The following CDH12 variants were observed in gnomAD, a reference collection of about 807,000 sequenced individuals.
CDH12 encodes the protein cadherin 12.
In CDH12, 41 loss-of-function variants were observed where a neutral mutation model predicts 74.1. The ratio of observed to expected loss-of-function variants is 0.55; its 90% CI spans 0.43 to 0.72. The LOEUF (loss-of-function observed/expected upper bound fraction) is 0.72, where lower values mean the gene tolerates loss of function less well. Ranked by LOEUF, CDH12 falls within the 30% of genes least tolerant of loss-of-function variation. CDH12 has a pLI of 0.00. For missense variants in CDH12, 945 were observed against 977.2 expected (o/e 0.97, Z 0.44); for synonymous variants, 399 against 355.0 (o/e 1.12, Z -1.39).
intron 4 of CDH12, among the ~76,000 whole-genome samples, chr5:22,098,655 G>T (rs137934153): frequency 1.3e-3 from 191 of 152,008 alleles, no homozygotes; most frequent in African/African-American, 4.1e-3. Flanking sequence ...TCGTTGAGTC[G>T]CCCACAATTA....
intron 2 of CDH12, among the ~76,000 whole-genome samples, chr5:22,447,515 C>T (rs1353576399): frequency 2.0e-5 from 3 of 151,984 alleles, no homozygotes; most frequent in Non-Finnish European, 4.4e-5. Flanking sequence ...GACAGTAACA[C>T]AGGAAGGAAA....
At chr5:21,966,592 T>C (rs1001145192) in intron 6 of CDH12, among the ~76,000 whole-genome samples, 1 of 152,150 alleles carries the variant, frequency 6.6e-6, no homozygotes, top group African/African-American at 2.4e-5. Context: ...TATTGATGAA[T>C]ATTTGAACCT....
intron 3 of CDH12, among the ~76,000 whole-genome samples, chr5:22,338,099 T>G (rs1042727327): frequency 6.6e-6 from 1 of 152,138 alleles, no homozygotes; most frequent in African/African-American, 2.4e-5. Flanking sequence ...AATTAGTAAC[T>G]CAAAGAGATA....
chr5:22,317,966 G>A (rs1019898249), intron 3 of CDH12, among the ~76,000 whole-genome samples: 2 of 152,090 alleles, frequency 1.3e-5, no homozygotes, highest in African/African-American at 2.4e-5. Flanking sequence ...AGGCAACTAA[G>A]GCAAATAATA....
intron 1 of CDH12, among the ~76,000 whole-genome samples, chr5:22,627,950 GACATA>G (rs1264746946): frequency 6.6e-5 from 10 of 151,888 alleles, no homozygotes; most frequent in African/African-American, 2.4e-4. Flanking sequence ...TTTAATTTCA[GACATA>G]ACAGACTTTA....
chr5:22,165,017 T>TCATC (rs1435465975), intron 4 of CDH12, among the ~76,000 whole-genome samples: 1 of 147,626 alleles, frequency 6.8e-6, no homozygotes, highest in East Asian at 2.0e-4. Flanking sequence ...ATTCATCATT[T>TCATC]CATCGCAGAC....
At chr5:22,616,389 A>G (rs1052988568) in intron 1 of CDH12, among the ~76,000 whole-genome samples, 7 of 152,128 alleles carry the variant, frequency 4.6e-5, no homozygotes, top group Non-Finnish European at 7.4e-5. Flanking sequence ...TCTCATTTTT[A>G]GATGTGTGAA....
intron 1 of CDH12, among the ~76,000 whole-genome samples, chr5:22,724,829 A>C (rs559398983): frequency 6.6e-6 from 1 of 151,978 alleles, no homozygotes; most frequent in East Asian, 1.9e-4. Context: ...ATGGCTGTGA[A>C]TATACTGGAA....
intron 4 of CDH12, among the ~76,000 whole-genome samples, chr5:22,166,172 A>G (rs572567884): frequency 6.6e-6 from 1 of 152,126 alleles, no homozygotes; most frequent in East Asian, 1.9e-4. Context: ...CTTTTTTTAA[A>G]AAAATACATA....
At chr5:22,780,091 A>T (rs1747310403) in intron 1 of CDH12, among the ~76,000 whole-genome samples, 1 of 152,144 alleles carries the variant, frequency 6.6e-6, no homozygotes, top group Non-Finnish European at 1.5e-5. Context: ...TTGGCTTTTA[A>T]AATGTGTAAT....
At chr5:21,865,825 T>C (rs146178036) in intron 6 of CDH12, among the ~76,000 whole-genome samples, 1 of 152,278 alleles carries the variant, frequency 6.6e-6, no homozygotes, top group East Asian at 1.9e-4. Flanking sequence ...CAGCCCCAGC[T>C]ATGGCAATGC....
At chr5:22,691,418 A>G (rs1742077743) in intron 1 of CDH12, among the ~76,000 whole-genome samples, 1 of 152,206 alleles carries the variant, frequency 6.6e-6, no homozygotes, top group African/African-American at 2.4e-5. Context: ...GACTAGGACC[A>G]TGGCTCTGCA....
At chr5:22,842,261 G>T (rs377141771) in intron 1 of CDH12, among the ~76,000 whole-genome samples, 1 of 152,022 alleles carries the variant, frequency 6.6e-6, no homozygotes, top group African/African-American at 2.4e-5. Context: ...AATCTAAAAA[G>T]TATTTTAAAT....
intron 5 of CDH12, among the ~76,000 whole-genome samples, chr5:22,073,050 G>A (rs915289672): frequency 2.6e-5 from 4 of 152,062 alleles, no homozygotes; most frequent in African/African-American, 9.7e-5. Flanking sequence ...GTATATGTCT[G>A]TAAAGCAATT....
intron 1 of CDH12, among the ~76,000 whole-genome samples, chr5:22,676,872 G>C (rs550169503): frequency 1.3e-5 from 2 of 152,212 alleles, no homozygotes; most frequent in South Asian, 4.2e-4. Context: ...GTATATTTTT[G>C]TTCTAATAAT....
intron 1 of CDH12, among the ~76,000 whole-genome samples, chr5:22,652,992 AC>A: frequency 6.6e-6 from 1 of 152,214 alleles, no homozygotes; most frequent in Non-Finnish European, 1.5e-5. Flanking sequence ...TTATGGGGGA[AC>A]ACTAAACACT....
At chr5:22,359,004 G>A (rs1313921709) in intron 3 of CDH12, among the ~76,000 whole-genome samples, 1 of 152,124 alleles carries the variant, frequency 6.6e-6, no homozygotes, top group Non-Finnish European at 1.5e-5. Flanking sequence ...ATCAATGCTA[G>A]GAAGAAACTG....
chr5:22,075,185 T>C (rs1742221346), intron 5 of CDH12, among the ~76,000 whole-genome samples: 1 of 151,604 alleles, frequency 6.6e-6, no homozygotes, highest in African/African-American at 2.4e-5. Flanking sequence ...CTGGAAACCA[T>C]CATTCTCAGC....
intron 10 of CDH12, among the ~76,000 whole-genome samples, chr5:21,800,185 C>T (rs181448809): frequency 7.9e-5 from 12 of 152,110 alleles, no homozygotes; most frequent in South Asian, 2.1e-4. Context: ...AATTTGGCCT[C>T]GGGATGAATT....
Sources: allele counts gnomAD v4.1 joint callset (sites outside exome capture counted in the v4.1 genomes callset), GRCh38; gene constraint gnomAD v4.1.1; transcripts MANE v1.5; gene names NCBI Gene and HGNC (gene_info 2026-07-23, HGNC 2026-07-21).